The following OSBPL5 variants were observed in gnomAD, a reference collection of about 807,000 sequenced individuals.
OSBPL5 encodes the protein oxysterol binding protein like 5, also known as oxysterol-binding protein-related protein 5.
OSBPL5 carries 71 observed loss-of-function variants against 111.2 expected under a neutral mutation model. That is an observed-to-expected ratio of 0.64 (90% CI 0.53 to 0.78). The LOEUF (loss-of-function observed/expected upper bound fraction) is 0.78, where lower values mean the gene tolerates loss of function less well. OSBPL5 is among the 30% of genes least tolerant of loss of function. The probability of loss-of-function intolerance (pLI) is 0.00; values close to 1 mark genes in which losing one functional copy is unlikely to be tolerated. For missense variants in OSBPL5, 1,210 were observed against 1,189.3 expected, an observed-to-expected ratio of 1.02 and a Z score of -0.26; for synonymous variants, 549 against 513.9, an observed-to-expected ratio of 1.07 and a Z score of -0.93.
In OSBPL5 at chr11:3,092,489, C is replaced by T. The variant is rs111371897; in HGVS notation, c.2202G>A (p.Gln734=). Residue 734 remains glutamine, a synonymous_variant, in exon 19 of 22, where the codon CAG becomes CAA. Coordinates refer to ENST00000263650, the MANE Select transcript of OSBPL5 (RefSeq NM_020896.4). This position sits in a 1 kb window ranked among gnomAD's most constrained non-coding sequence, Gnocchi z 5.4. Reference sequence around the variant, plus strand: ...TGGTCTGGCGGGCCACGGCCTCCTGCTGCAAGGTCCGCAGGATCCCGTCTT... The same window carrying T: ...TGGTCTGGCGGGCCACGGCCTCCTGTTGCAAGGTCCGCAGGATCCCGTCTT... ...FEQDGILRTL[Q]QEAVARQTTF... is the part of the protein sequence containing the mutation. The T allele has an allele frequency of 4.9e-4, 774 of 1,576,736 alleles. 3 individuals are homozygous for T. The African/African-American group carries it at 9.1e-3, about 19-fold the overall frequency.
chr11:3,148,694 T>C (rs1846456500), intron 1 of OSBPL5, among the ~76,000 whole-genome samples: 1 of 152,204 alleles, frequency 6.6e-6, no homozygotes. Flanking sequence ...GGAAATCCAC[T>C]ACCCAGATGG....
intron 1 of OSBPL5, among the ~76,000 whole-genome samples, chr11:3,147,712 G>T (rs1310323852): frequency 6.6e-6 from 1 of 152,256 alleles, no homozygotes; most frequent in Admixed American, 6.5e-5. Context: ...GCATTTATGG[G>T]AGTGAGCGTG....
In OSBPL5 at chr11:3,114,743, C is replaced by T. The variant is rs191543462; in HGVS notation, c.691+4804G>A. Among the ~76,000 whole-genome samples, 881 of 151,586 alleles carry T rather than the reference C, an allele frequency of 5.8e-3. 10 individuals are homozygous for T. Among genetic ancestry groups the T allele is most frequent in the African/African-American group, 0.02 (830 of 41,330 alleles). On this transcript the variant is annotated intron_variant, in intron 7 of 21. Transcript: ENST00000263650. Reference sequence around the variant, plus strand: ...CCTCCTGAGTAGCTGGGACTACAGGCGCCCGCCACCACGCCTGGCTAATTT... The same window carrying T: ...CCTCCTGAGTAGCTGGGACTACAGGTGCCCGCCACCACGCCTGGCTAATTT...
rs1336398965 is a variant in OSBPL5, at chr11:3,107,399, T to C, written c.923A>G (p.Asn308Ser). ...GGTCTCGGTATCTGACTCCTCAGGG[T>C]TCTCTCTCTCCGACTTGTCTGAGAA... ...DAFSDKSERE[N>S]PEESDTETQD... is the part of the protein sequence containing the mutation. Residue 308 changes from asparagine to serine, a missense_variant, in exon 9 of 22, where the codon AAC becomes AGC. Physicochemically the swap from Asn to Ser is conservative, Grantham distance 46. Coordinates refer to ENST00000263650, the MANE Select transcript of OSBPL5 (RefSeq NM_020896.4). The surrounding 1 kb of genome is among the most constrained non-coding windows in gnomAD (Gnocchi z 6.1). 6.2e-7 allele frequency: 1 copy of C among 1,613,958 alleles called. No individual in the cohort carries two copies. Among genetic ancestry groups the C allele is most frequent in the East Asian group, 2.2e-5 (1 of 44,862 alleles).
In OSBPL5 at chr11:3,092,634, GC is replaced by G; in HGVS notation, c.2133-77del. 6.8e-7 allele frequency: 1 copy of G among 1,470,746 alleles called. No homozygotes were observed. The allele number at this position is 1,470,746 out of a possible 1,614,324, so 91.1% of individuals were successfully genotyped here. On this transcript the variant is annotated intron_variant, in intron 18 of 21. Transcript: ENST00000263650. The surrounding 1 kb of genome is among the most constrained non-coding windows in gnomAD (Gnocchi z 5.4). ...GGGGGCTGTCCTGGCCCAGTCTTCAGCCCCCCAACAGTGGCCAGAGACCTCC... is the reference window on the plus strand; with the variant it reads ...GGGGGCTGTCCTGGCCCAGTCTTCAGCCCCCAACAGTGGCCAGAGACCTCC...
rs746090343 is a variant in OSBPL5 at position 3,122,116 on chromosome 11, G to A, written c.301-18C>T. The A allele has an allele frequency of 9.0e-6, 14 of 1,547,284 alleles. No individual in the cohort carries two copies. The highest frequency in any genetic ancestry group is 2.4e-5 in the East Asian group (1 of 41,892). Reference sequence around the variant, plus strand: ...TTCTGCGCCTGGGCCCGGGGCACCCGCGGTGGGTCATGGGAGAAGGCACCG... The same window carrying A: ...TTCTGCGCCTGGGCCCGGGGCACCCACGGTGGGTCATGGGAGAAGGCACCG... On this transcript the variant is annotated intron_variant, in intron 4 of 21. Coordinates refer to ENST00000263650, the MANE Select transcript of OSBPL5 (RefSeq NM_020896.4).
At position 3,107,529 on chromosome 11, in the gene OSBPL5, C is replaced by G. The variant is rs920096927; in HGVS notation, c.867-74G>C. On this transcript the variant is annotated intron_variant, in intron 8 of 21. Transcript: ENST00000263650. This position sits in a 1 kb window ranked among gnomAD's most constrained non-coding sequence, Gnocchi z 6.1. ...GCACAGCCCTCTGGGCTGCCCACCC[C>G]TCGCTGCTCCGCACTTCACATACGT... 4 of 1,527,874 alleles carry G rather than the reference C, an allele frequency of 2.6e-6. No individual in the cohort carries two copies. The African/African-American group carries it at 4.1e-5, about 16-fold the overall frequency. 94.6% of individuals were successfully genotyped at this position (1,527,874 alleles called of 1,614,324 possible).
Position 3,121,446 on chromosome 11 carries a change from G to A in OSBPL5, c.402+551C>T, listed in dbSNP as rs1858413728. ...ACCTAACTTTTGATTCATCATTTTGGTATGCGGGTAGAAGGAGCCTACATG... is the reference window on the plus strand; with the variant it reads ...ACCTAACTTTTGATTCATCATTTTGATATGCGGGTAGAAGGAGCCTACATG... On this transcript the variant is annotated intron_variant, in intron 5 of 21. Coordinates refer to ENST00000263650, the MANE Select transcript of OSBPL5 (RefSeq NM_020896.4). This position sits in a 1 kb window ranked among gnomAD's most constrained non-coding sequence, Gnocchi z 4.3. Among the ~76,000 whole-genome samples the A allele has an allele frequency of 1.3e-5, 2 of 151,984 alleles. No homozygotes were observed. The highest frequency in any genetic ancestry group is 2.4e-5 in the African/African-American group (1 of 41,372).
chr11:3,109,502 G>C lies in OSBPL5; in HGVS notation c.692-1557C>G. Among the ~76,000 whole-genome samples, 1 of 152,182 alleles carries C rather than the reference G, an allele frequency of 6.6e-6. No individual in the cohort carries two copies. The highest frequency in any genetic ancestry group is 1.9e-4 in the East Asian group (1 of 5,198). On this transcript the variant is annotated intron_variant, in intron 7 of 21. Transcript: ENST00000263650. The surrounding 1 kb of genome is among the most constrained non-coding windows in gnomAD (Gnocchi z 7.4). ...GCCTTTTCGAGCTCCTGGAGACAGT[G>C]AGTTTTTCTCCCTCACTTTGAGATC...
intron 1 of OSBPL5, among the ~76,000 whole-genome samples, chr11:3,163,536 G>C (rs944086317): frequency 6.8e-6 from 1 of 147,584 alleles, no homozygotes; most frequent in Non-Finnish European, 1.5e-5. Context: ...GGGTGGGGGG[G>C]GCGGTCTTGC....
intron 1 of OSBPL5, among the ~76,000 whole-genome samples, chr11:3,138,798 A>T (rs964695389): frequency 2.0e-5 from 3 of 152,226 alleles, no homozygotes; most frequent in African/African-American, 7.2e-5. Flanking sequence ...AGGGAGAAGC[A>T]GCTGGGCTGT....
intron 1 of OSBPL5, among the ~76,000 whole-genome samples, chr11:3,133,926 G>A (rs1845880590): frequency 6.6e-6 from 1 of 151,932 alleles, no homozygotes. Context: ...TCATTCTGGA[G>A]GCCAGGCCAG....
In OSBPL5 at chr11:3,110,761, C is replaced by T. The variant is rs963261252; in HGVS notation, c.692-2816G>A. ...AATGCAACCATCTTTCTCTTATCTA[C>T]CTATGACCTGGAAGCCCCTCCCCGC... On this transcript the variant is annotated intron_variant, in intron 7 of 21. Coordinates refer to ENST00000263650, the MANE Select transcript of OSBPL5 (RefSeq NM_020896.4). The surrounding 1 kb of genome is among the most constrained non-coding windows in gnomAD (Gnocchi z 5.3). Among the ~76,000 whole-genome samples the T allele has an allele frequency of 1.1e-4, 16 of 152,126 alleles. No individual in the cohort carries two copies. The highest frequency in any genetic ancestry group is 2.4e-4 in the Non-Finnish European group (16 of 68,038).
rs1479323691 is a variant in OSBPL5, at chr11:3,105,480, G to C, written c.1060-1103C>G. On this transcript the variant is annotated intron_variant, in intron 9 of 21. Coordinates refer to ENST00000263650, the MANE Select transcript of OSBPL5 (RefSeq NM_020896.4). The surrounding 1 kb of genome is among the most constrained non-coding windows in gnomAD (Gnocchi z 5.2). The stretch of plus-strand genomic sequence containing the variant: ...CTTTGGGGCTTGGAAATCATGGGTA[G>C]CTTCGGCTGTCAGGAATCCTGCTCT... 6.6e-6 allele frequency among the ~76,000 whole-genome samples: 1 copy of C among 152,132 alleles called. No individual in the cohort carries two copies. The highest frequency in any genetic ancestry group is 1.5e-5 in the Non-Finnish European group (1 of 68,014).
chr11:3,139,738 G>A (rs1456929484), intron 1 of OSBPL5, among the ~76,000 whole-genome samples: 1 of 152,162 alleles, frequency 6.6e-6, no homozygotes, highest in Non-Finnish European at 1.5e-5. Context: ...TCCCTCTCTG[G>A]GCTCCTGGAC....
rs140226226 is a variant in OSBPL5, at chr11:3,126,530, C to T, written c.162G>A (p.Pro54=). The change falls in exon 3 of 22, where the codon CCG becomes CCA. Residue 54 remains proline (P), a synonymous_variant. Coordinates refer to ENST00000263650, the MANE Select transcript of OSBPL5 (RefSeq NM_020896.4). This position sits in a 1 kb window ranked among gnomAD's most constrained non-coding sequence, Gnocchi z 6.5. ...GGGGCCCTTCATCCCTGGGCAGCGA[C>T]GGGCCGTTGGGCTCCATGTCCTTCC... ...SPGKDMEPNG[P]SLPRDEGPPT... The T allele has an allele frequency of 1.0e-4, 165 of 1,609,534 alleles. No homozygotes were observed. Among genetic ancestry groups the T allele is most frequent in the African/African-American group, 1.3e-4 (10 of 74,800 alleles).
At position 3,090,624 on chromosome 11, in the gene OSBPL5, T is replaced by A; in HGVS notation, c.2332A>T (p.Ser778Cys). The change falls in exon 20 of 22, where the codon AGC becomes TGC. Residue 778 changes from serine to cysteine, a missense_variant. Coordinates refer to ENST00000263650, the MANE Select transcript of OSBPL5 (RefSeq NM_020896.4). Reference sequence around the variant, plus strand: ...GGGCAGGACTCAGGCGTGGATCCGCTGCTCTCCGTGGCCTGGCTGTGGCCG... The same window carrying A: ...GGGCAGGACTCAGGCGTGGATCCGCAGCTCTCCGTGGCCTGGCTGTGGCCG... ...PSGHSQATESSGSTPESCPEL... is the reference protein window; with the variant it reads ...PSGHSQATESCGSTPESCPEL... 2.5e-6 allele frequency: 4 copies of A among 1,613,044 alleles called. No individual in the cohort carries two copies. Among genetic ancestry groups the A allele is most frequent in the Non-Finnish European group, 3.4e-6 (4 of 1,179,954 alleles).
chr11:3,104,119 G>A lies in OSBPL5; in HGVS notation c.1244+74C>T. The A allele has an allele frequency of 6.7e-7, 1 of 1,489,998 alleles. No individual in the cohort carries two copies. Among genetic ancestry groups the A allele is most frequent in the Non-Finnish European group, 9.1e-7 (1 of 1,101,612 alleles). The allele number at this position is 1,489,998 out of a possible 1,614,324, so 92.3% of individuals were successfully genotyped here. A position where few individuals can be genotyped will look rare whatever the true frequency, so the allele number is the denominator to read the frequency against. ...CTGGAAGCCCCCACAGGGCAGGTAG[G>A]GGCTGGGGGTGCTGCAGGGTCTCAT... is the stretch of plus-strand genomic sequence containing the variant. On this transcript the variant is annotated intron_variant, in intron 10 of 21. Transcript: ENST00000263650. This position sits in a 1 kb window ranked among gnomAD's most constrained non-coding sequence, Gnocchi z 5.0.
chr11:3,136,680 C>T (rs1265420850), intron 1 of OSBPL5, among the ~76,000 whole-genome samples: 3 of 152,196 alleles, frequency 2.0e-5, no homozygotes, highest in Non-Finnish European at 4.4e-5. Context: ...CCACAGGAGG[C>T]CCTGGGGAAG....
Sources: allele counts gnomAD v4.1 joint callset (sites outside exome capture counted in the v4.1 genomes callset), GRCh38; gene constraint gnomAD v4.1.1; non-coding constraint Gnocchi (gnomAD v3.1); transcripts MANE v1.5; gene names NCBI Gene and HGNC (gene_info 2026-07-23, HGNC 2026-07-21).